TRPC4: variants seen among roughly 807,000 people sequenced by gnomAD.
TRPC4 encodes short transient receptor potential channel 4.
A neutral mutation model predicts 99.4 loss-of-function variants in TRPC4; 49 were observed. The ratio of observed to expected loss-of-function variants is 0.49; its 90% CI spans 0.39 to 0.63. The LOEUF (loss-of-function observed/expected upper bound fraction) is 0.63, where lower values mean the gene tolerates loss of function less well. Among genes scored for constraint, TRPC4 ranks in the 20% least tolerant of loss-of-function variants. The pLI, the probability that TRPC4 is intolerant of heterozygous loss-of-function variation, is 0.00. For synonymous variants in TRPC4, 454 were observed against 425.9 expected, an observed-to-expected ratio of 1.07 and a Z score of -0.81; for missense variants, 898 against 1,152.9, an observed-to-expected ratio of 0.78 and a Z score of 3.20.
intron 1 of TRPC4, among the ~76,000 whole-genome samples, chr13:37,849,947 A>G (rs861005): frequency 0.26 from 39,816 of 152,164 alleles, 5,556 homozygotes; most frequent in East Asian, 0.43. Context: ...GATTATATGA[A>G]AACTACCCGA....
chr13:37,805,665 A>C (rs889337243), intron 1 of TRPC4, among the ~76,000 whole-genome samples: 1 of 151,934 alleles, frequency 6.6e-6, no homozygotes, highest in Non-Finnish European at 1.5e-5. Flanking sequence ...TTGGATGTAA[A>C]CTACTCTGGA....
At chr13:37,729,345 A>G (rs1466785530) in intron 3 of TRPC4, among the ~76,000 whole-genome samples, 1 of 152,086 alleles carries the variant, frequency 6.6e-6, no homozygotes. Context: ...GTAGGTGAGG[A>G]TGTGGAGAAA....
At chr13:37,811,424 T>C (rs1203786077) in intron 1 of TRPC4, among the ~76,000 whole-genome samples, 1 of 152,140 alleles carries the variant, frequency 6.6e-6, no homozygotes, top group African/African-American at 2.4e-5. Flanking sequence ...TCCCAAATAC[T>C]GCCTTGAGAG....
chr13:37,642,311 C>T (rs980369089), intron 8 of TRPC4, among the ~76,000 whole-genome samples: 3 of 152,088 alleles, frequency 2.0e-5, no homozygotes, highest in African/African-American at 7.2e-5. Context: ...GATATAGAAA[C>T]TCTGAGGAAA....
Position 37,636,875 on chromosome 13 carries a change from G to A in TRPC4, c.*28C>T. 2 of 1,589,368 alleles carry A rather than the reference G, an allele frequency of 1.3e-6. No homozygotes were observed. Among genetic ancestry groups the A allele is most frequent in the South Asian group, 1.2e-5 (1 of 86,530 alleles). On this transcript the variant is annotated 3_prime_UTR_variant, in exon 11 of 11. Transcript: ENST00000379705. ...AGAGCACTACGGAAAATACGTATGT[G>A]TATGGTAAACGCTTCCTCCTTCAAG... is the stretch of plus-strand genomic sequence containing the variant.
rs1037907135 is a variant in TRPC4, at chr13:37,634,976, C to A, written c.*1927G>T. ...AGGAGTGAACAGGGGCTTAGTGCTC[C>A]TGGCTTTTCTGAAAATTAAAATCTA... is the stretch of plus-strand genomic sequence containing the variant. On this transcript the variant is annotated 3_prime_UTR_variant, in exon 11 of 11. Transcript: ENST00000379705. 2.6e-5 allele frequency among the ~76,000 whole-genome samples: 4 copies of A among 152,026 alleles called. No homozygotes were observed. Among genetic ancestry groups the A allele is most frequent in the African/African-American group, 9.7e-5 (4 of 41,402 alleles).
intron 2 of TRPC4, among the ~76,000 whole-genome samples, chr13:37,768,535 T>C (rs1283522118): frequency 6.6e-6 from 1 of 151,430 alleles, no homozygotes; most frequent in Non-Finnish European, 1.5e-5. Flanking sequence ...AGGACTTTTT[T>C]CTCTATTGAA....
chr13:37,663,782 T>A, intron 5 of TRPC4, 53 bp from the exon 6 acceptor site: 1 of 1,450,086 alleles, frequency 6.9e-7, no homozygotes, highest in Non-Finnish European at 9.4e-7. Context: ...CGCATATAAA[T>A]AGATCAAGGT....
chr13:37,653,033 G>A (rs1952101801), intron 7 of TRPC4, among the ~76,000 whole-genome samples: 1 of 152,040 alleles, frequency 6.6e-6, no homozygotes, highest in Admixed American at 6.6e-5. Flanking sequence ...CTCCTTAGAA[G>A]CCTGTTCTGC....
At chr13:37,682,252 C>G (rs1404677187) in intron 4 of TRPC4, among the ~76,000 whole-genome samples, 1 of 152,176 alleles carries the variant, frequency 6.6e-6, no homozygotes, top group Admixed American at 6.5e-5. Context: ...CCTTGGAAGT[C>G]TCTTCACAGA....
intron 7 of TRPC4, among the ~76,000 whole-genome samples, chr13:37,653,882 A>G (rs1026560247): frequency 2.0e-5 from 3 of 152,242 alleles, no homozygotes; most frequent in African/African-American, 7.2e-5. Flanking sequence ...CATTTTGGAA[A>G]TATGTTGATT....
intron 1 of TRPC4, among the ~76,000 whole-genome samples, chr13:37,785,473 T>C (rs9603260): frequency 0.017 from 2,541 of 152,226 alleles, 65 homozygotes; most frequent in African/African-American, 0.058. Context: ...TCCATGATTC[T>C]TGGAAAAATA....
At chr13:37,708,922 T>G (rs1018602172) in intron 3 of TRPC4, among the ~76,000 whole-genome samples, 4 of 151,980 alleles carry the variant, frequency 2.6e-5, no homozygotes, top group Admixed American at 6.6e-5. Flanking sequence ...TAGAAAGGAC[T>G]AGAGGATCAT....
At chr13:37,762,960 TG>T (rs1476345483) in intron 2 of TRPC4, among the ~76,000 whole-genome samples, 2 of 151,604 alleles carry the variant, frequency 1.3e-5, no homozygotes, top group African/African-American at 4.8e-5. Context: ...ATGGTCAAAT[TG>T]GTTAAGATTA....
Position 37,651,320 on chromosome 13 carries a change from G to A in TRPC4, c.2024C>T (p.Thr675Ile). Residue 675 changes from threonine (T) to isoleucine (I), a missense_variant, in exon 8 of 11, where the codon ACA (threonine) becomes ATA (isoleucine). By Grantham distance (89) the Thr-to-Ile change is moderately conservative. Transcript: ENST00000379705. ...SLWYLIKWIWTHLCKKKMRRK... is the reference protein window; with the variant it reads ...SLWYLIKWIWIHLCKKKMRRK... Reference sequence around the variant, plus strand: ...TCTCATCTTTTTCTTGCACAAGTGTGTCCAGATCCATTTGATCAGGTACCA... The same window carrying A: ...TCTCATCTTTTTCTTGCACAAGTGTATCCAGATCCATTTGATCAGGTACCA... 1.2e-6 allele frequency: 2 copies of A among 1,614,100 alleles called. No homozygotes were observed. Among genetic ancestry groups the A allele is most frequent in the Non-Finnish European group, 1.7e-6 (2 of 1,179,994 alleles).
At chr13:37,867,101 G>A (rs1959810265) in intron 1 of TRPC4, among the ~76,000 whole-genome samples, 2 of 151,690 alleles carry the variant, frequency 1.3e-5, no homozygotes, top group African/African-American at 2.4e-5. Context: ...ATAGTTTATT[G>A]TATTTTCCCT....
chr13:37,835,003 G>A (rs1958525607), intron 1 of TRPC4, among the ~76,000 whole-genome samples: 1 of 151,918 alleles, frequency 6.6e-6, no homozygotes, highest in East Asian at 1.9e-4. Flanking sequence ...CCAAAGTGCT[G>A]GGATTACAGG....
At chr13:37,830,147 G>T (rs1232200371) in intron 1 of TRPC4, among the ~76,000 whole-genome samples, 1 of 152,000 alleles carries the variant, frequency 6.6e-6, no homozygotes, top group Non-Finnish European at 1.5e-5. Flanking sequence ...TATGGTATGT[G>T]AATTATATTT....
chr13:37,660,027 G>A (rs773651901), intron 6 of TRPC4, among the ~76,000 whole-genome samples: 21 of 152,224 alleles, frequency 1.4e-4, no homozygotes, highest in Non-Finnish European at 2.5e-4. Flanking sequence ...ATTGGTGCTA[G>A]TAATATAAAT....
Sources: allele counts gnomAD v4.1 joint callset (sites outside exome capture counted in the v4.1 genomes callset), GRCh38; gene constraint gnomAD v4.1.1; transcripts MANE v1.5; gene names NCBI Gene and HGNC (gene_info 2026-07-23, HGNC 2026-07-21).